The following ANKRD62 variants were observed in gnomAD, a reference collection of about 807,000 sequenced individuals.
ANKRD62 encodes ankyrin repeat domain 62, also known as ankyrin repeat domain-containing protein 62.
Under a neutral mutation model 98.8 loss-of-function variants are expected in ANKRD62, and 61 were observed. That is an observed-to-expected ratio of 0.62 (90% CI 0.50 to 0.76). The LOEUF (loss-of-function observed/expected upper bound fraction) is 0.76. ANKRD62 is among the 30% of genes least tolerant of loss of function. The pLI is 0.00. For synonymous variants in ANKRD62, 341 were observed against 367.9 expected (o/e 0.93, Z 0.84); for missense variants, 933 against 1,082.9 (o/e 0.86, Z 1.94).
chr18:12,150,054 T>C, the ANKRD62 span, among the ~76,000 whole-genome samples: 9,165 of 151,944 alleles, frequency 0.06, 5 homozygotes, highest in East Asian at 0.36. Context: ...AATAGAATAA[T>C]ACAGGAGCTG....
chr18:12,096,170 T>A, intron 3 of ANKRD62, 26 bp from the exon 4 acceptor site: 1 of 1,424,444 alleles, frequency 7.0e-7, no homozygotes, highest in Non-Finnish European at 9.5e-7. Context: ...TTTTGTGAAT[T>A]ATAAATTGTT....
chr18:12,139,748 A>G, the ANKRD62 span, among the ~76,000 whole-genome samples: 85 of 152,158 alleles, frequency 5.6e-4, 2 homozygotes, highest in South Asian at 0.016. Flanking sequence ...CTTTGTGGGT[A>G]ACCCGACCTT....
chr18:12,114,994 AAC>A (rs1453064952), intron 8 of ANKRD62, 92 bp from the exon 9 acceptor site: 2 of 973,756 alleles, frequency 2.1e-6, no homozygotes, highest in African/African-American at 3.4e-5. Context: ...AGAAACTACA[AAC>A]ACAGAGATTT....
At chr18:12,171,369 A>G in the ANKRD62 span, among the ~76,000 whole-genome samples, 1 of 152,158 alleles carries the variant, frequency 6.6e-6, no homozygotes, top group Non-Finnish European at 1.5e-5. Context: ...CTTCTCTGTA[A>G]AGGATTTTAT....
At position 12,100,046 on chromosome 18, in the gene ANKRD62, G is replaced by A. The variant is rs192626937; in HGVS notation, c.820+364G>A. 5.5e-4 allele frequency among the ~76,000 whole-genome samples: 84 copies of A among 152,178 alleles called. 1 individual carries two copies. The East Asian group carries it at 0.014, about 25-fold the overall frequency. On this transcript the variant is annotated intron_variant, in intron 6 of 13. Coordinates refer to ENST00000587848, the MANE Select transcript of ANKRD62 (RefSeq NM_001277333.2). Reference sequence around the variant, plus strand: ...GGATATTTTAATTTATAAAACAAATGCTTTGCATTTAGTAAATACATATTA... The same window carrying A: ...GGATATTTTAATTTATAAAACAAATACTTTGCATTTAGTAAATACATATTA...
rs547445061 is a variant in ANKRD62 at position 12,093,959 on chromosome 18, T to A, written c.-59T>A. On this transcript the variant is annotated 5_prime_UTR_variant, in exon 1 of 14. Coordinates refer to ENST00000587848, the MANE Select transcript of ANKRD62 (RefSeq NM_001277333.2). Reference sequence around the variant, plus strand: ...GCGCTCCAGAGAGGCAGAAAACGAGTGGGAGCTGAGGTGTCTTAAAGCCGT... The same window carrying A: ...GCGCTCCAGAGAGGCAGAAAACGAGAGGGAGCTGAGGTGTCTTAAAGCCGT... 6.7e-7 allele frequency: 1 copy of A among 1,493,816 alleles called. No individual in the cohort carries two copies. The highest frequency in any genetic ancestry group is 2.5e-5 in the East Asian group (1 of 40,350). 92.5% of individuals were successfully genotyped at this position (1,493,816 alleles called of 1,614,324 possible).
chr18:12,163,415 C>T, the ANKRD62 span, among the ~76,000 whole-genome samples: 1 of 152,054 alleles, frequency 6.6e-6, no homozygotes, highest in Admixed American at 6.6e-5. Flanking sequence ...TGTGTGAAGT[C>T]TTTAGGTTTT....
chr18:12,140,854 T>C, the ANKRD62 span, among the ~76,000 whole-genome samples: 1 of 152,366 alleles, frequency 6.6e-6, no homozygotes, highest in Non-Finnish European at 1.5e-5. Context: ...AGCTGCCTGC[T>C]GGGAGAACCA....
chr18:12,168,431 G>T, the ANKRD62 span, among the ~76,000 whole-genome samples: 2 of 152,184 alleles, frequency 1.3e-5, no homozygotes, highest in Non-Finnish European at 2.9e-5. Context: ...GTTTGTCAAA[G>T]ATCAGATAGT....
chr18:12,114,206 G>T (rs35640729), intron 8 of ANKRD62, among the ~76,000 whole-genome samples: 1 of 151,782 alleles, frequency 6.6e-6, no homozygotes. Context: ...GGCTTAATAC[G>T]TGTGTGATGA....
At chr18:12,177,762 C>T in the ANKRD62 span, among the ~76,000 whole-genome samples, 54 of 148,418 alleles carry the variant, frequency 3.6e-4, 1 homozygote, top group East Asian at 0.01. Flanking sequence ...AATGTGCTTT[C>T]ATGAGAGACA....
the ANKRD62 span, among the ~76,000 whole-genome samples, chr18:12,149,868 C>CA: frequency 1.4e-5 from 2 of 147,840 alleles, no homozygotes; most frequent in Non-Finnish European, 3.0e-5. Context: ...TCTGGTAACT[C>CA]AAATGGCCAG....
At chr18:12,118,346 G>A (rs940912805) in intron 10 of ANKRD62, among the ~76,000 whole-genome samples, 10 of 152,068 alleles carry the variant, frequency 6.6e-5, no homozygotes, top group Non-Finnish European at 1.5e-5. Context: ...GGTGGCTCAC[G>A]CCTGTAATCC....
At chr18:12,112,928 C>A (rs1452523527) in intron 8 of ANKRD62, among the ~76,000 whole-genome samples, 4 of 152,080 alleles carry the variant, frequency 2.6e-5, no homozygotes, top group African/African-American at 9.7e-5. Flanking sequence ...TTTAGTCTGG[C>A]GTTGTCTCCC....
At chr18:12,156,457 GT>G in the ANKRD62 span, among the ~76,000 whole-genome samples, 1,343 of 152,110 alleles carry the variant, frequency 8.8e-3, 15 homozygotes, top group African/African-American at 0.03. Context: ...TGTGAAATCT[GT>G]TTTTTAATCT....
At chr18:12,098,479 G>A (rs1011707791) in intron 5 of ANKRD62, 1 of 152,186 alleles carries the variant, frequency 6.6e-6, no homozygotes, top group Admixed American at 6.6e-5. Context: ...GAGAAAATTA[G>A]CATGGCCCCT....
chr18:12,169,061 C>G, the ANKRD62 span, among the ~76,000 whole-genome samples: 3 of 152,084 alleles, frequency 2.0e-5, no homozygotes, highest in African/African-American at 7.2e-5. Context: ...TCTAAGTATA[C>G]GATCATGTCA....
the ANKRD62 span, among the ~76,000 whole-genome samples, chr18:12,158,669 G>A: frequency 8.1e-5 from 12 of 148,748 alleles, 1 homozygote; most frequent in African/African-American, 1.7e-4. Flanking sequence ...GATCACAGGC[G>A]CCCACCATCA....
downstream of ANKRD62, among the ~76,000 whole-genome samples, chr18:12,130,774 C>A (rs1909991264): frequency 6.6e-6 from 1 of 151,894 alleles, no homozygotes; most frequent in African/African-American, 2.4e-5. Context: ...CTCACTGCAA[C>A]CTCTGCCTCC....
Sources: allele counts gnomAD v4.1 joint callset (sites outside exome capture counted in the v4.1 genomes callset), GRCh38; gene constraint gnomAD v4.1.1; transcripts MANE v1.5; gene names NCBI Gene and HGNC (gene_info 2026-07-23, HGNC 2026-07-21).